Variants in ATP8B1 observed in about 807,000 individuals in gnomAD.
ATP8B1 encodes phospholipid-transporting ATPase IC.
Under a neutral mutation model 149.9 loss-of-function variants are expected in ATP8B1, and 80 were observed. The ratio of observed to expected loss-of-function variants is 0.53; its 90% confidence interval spans 0.45 to 0.64. ATP8B1 has a LOEUF of 0.64. Ranked by LOEUF, ATP8B1 falls within the 30% of genes least tolerant of loss-of-function variation. The pLI is 0.00. For synonymous variants in ATP8B1, 536 were observed against 562.8 expected, an observed-to-expected ratio of 0.95 and a Z score of 0.67; for missense variants, 1,247 against 1,552.6, an observed-to-expected ratio of 0.80 and a Z score of 3.31.
At chr18:57,723,050 C>A (rs1021305099) in intron 2 of ATP8B1, among the ~76,000 whole-genome samples, 4 of 151,372 alleles carry the variant, frequency 2.6e-5, no homozygotes, top group African/African-American at 7.3e-5. Flanking sequence ...ATTCAACAAC[C>A]CTTCATGCTA....
chr18:57,688,666 C>G, intron 12 of ATP8B1, 159 bp from the exon 13 acceptor site: 1 of 757,888 alleles, frequency 1.3e-6, no homozygotes. Flanking sequence ...AAACCCAATC[C>G]CCAATTCAAC....
intron 1 of ATP8B1, among the ~76,000 whole-genome samples, chr18:57,765,249 AAGGTTGGG>A (rs1368119468): frequency 9.2e-5 from 14 of 152,220 alleles, no homozygotes; most frequent in Admixed American, 2.6e-4. Context: ...ATGGTTGCCA[AAGGTTGGG>A]AGGAAGGGGA....
chr18:57,735,967 G>GCCCCCCCCCCCC (rs59140378), intron 1 of ATP8B1, among the ~76,000 whole-genome samples: 28 of 134,462 alleles, frequency 2.1e-4, no homozygotes, highest in African/African-American at 2.6e-4. Flanking sequence ...CCCATTCCTT[G>GCCCCCCCCCCCC]CCCCCCCCAC....
chr18:57,732,279 G>A (rs1362138297), intron 1 of ATP8B1, among the ~76,000 whole-genome samples: 1 of 24,062 alleles, frequency 4.2e-5, no homozygotes, highest in Non-Finnish European at 8.7e-5. Flanking sequence ...ATGTATATAT[G>A]TGTATATATG....
rs1490656876 is a variant in ATP8B1 at position 57,784,664 on chromosome 18, G to A, written c.-26+18334C>T. Among the ~76,000 whole-genome samples, 1 of 146,856 alleles carries A rather than the reference G, an allele frequency of 6.8e-6. No homozygotes were observed. The highest frequency in any genetic ancestry group is 1.5e-5 in the Non-Finnish European group (1 of 67,994). On this transcript the variant is annotated intron_variant, in intron 1 of 27. Coordinates refer to ENST00000648908, the MANE Select transcript of ATP8B1 (RefSeq NM_001374385.1). This position sits in a 1 kb window ranked among gnomAD's most constrained non-coding sequence, Gnocchi z 4.4. ...GCTGTGTTTAGGGGCATGCAGGAGA[G>A]TATTATGAAACGTGCAGGAGAGTAT...
chr18:57,779,531 T>C (rs1369334536), intron 1 of ATP8B1, among the ~76,000 whole-genome samples: 1 of 152,248 alleles, frequency 6.6e-6, no homozygotes, highest in Non-Finnish European at 1.5e-5. Context: ...GTTCACTTTT[T>C]AATTTTAGCA....
At chr18:57,763,510 C>T (rs2063301) in intron 1 of ATP8B1, among the ~76,000 whole-genome samples, 103,402 of 152,078 alleles carry the variant, frequency 0.68, 35,810 homozygotes, top group African/African-American at 0.81. Context: ...TTTCAAATTC[C>T]AACAAACATT....
Position 57,646,839 on chromosome 18 carries a change from T to C in ATP8B1, c.*1649A>G, listed in dbSNP as rs1599058135. The C allele has an allele frequency of 6.6e-6, 1 of 152,656 alleles. No homozygotes were observed. The highest frequency in any genetic ancestry group is 1.5e-5 in the Non-Finnish European group (1 of 68,038). 9.5% of individuals were successfully genotyped at this position (152,656 alleles called of 1,614,324 possible). ...TCATAGGAATTCAACAGGACTGATA[T>C]TGTGAACATTCACAGCCCAATGGTA... On this transcript the variant is annotated 3_prime_UTR_variant, in exon 28 of 28. Transcript: ENST00000648908.
chr18:57,717,533 G>A (rs1200163250), intron 2 of ATP8B1, among the ~76,000 whole-genome samples: 2 of 53,388 alleles, frequency 3.7e-5, no homozygotes, highest in Admixed American at 2.9e-4. Flanking sequence ...GGGTAACAGA[G>A]CAAGACTCTG....
At chr18:57,670,290 G>C (rs775315054) in intron 17 of ATP8B1, among the ~76,000 whole-genome samples, 3 of 151,802 alleles carry the variant, frequency 2.0e-5, no homozygotes, top group Non-Finnish European at 4.4e-5. Flanking sequence ...TAATGGAAAA[G>C]AGTATCTGGC....
chr18:57,732,291 A>ATATATCTG (rs2079789318), intron 1 of ATP8B1, among the ~76,000 whole-genome samples: 1 of 6,694 alleles, frequency 1.5e-4, no homozygotes, highest in African/African-American at 6.8e-4. Context: ...GTATATATGT[A>ATATATCTG]TATATATGTG....
At position 57,668,462 on chromosome 18, in the gene ATP8B1, T is replaced by G. The variant is rs1225462181; in HGVS notation, c.2176A>C (p.Ile726Leu). 4 of 1,612,254 alleles carry G rather than the reference T, an allele frequency of 2.5e-6. No homozygotes were observed. The change falls in exon 19 of 28, where the codon ATT becomes CTT. Residue 726 changes from isoleucine to leucine, a missense_variant. This residue lies in a region of ATP8B1 where 853 missense variants were observed against 1,035.7 expected (regional missense o/e 0.82). Coordinates refer to ENST00000648908, the MANE Select transcript of ATP8B1 (RefSeq NM_001374385.1). Reference sequence around the variant, plus strand: ...TCTCCAGTAAGCACCCAGATCTTAATGTCAGCTTTTGCAAGTTTTGAAATG... The same window carrying G: ...TCTCCAGTAAGCACCCAGATCTTAAGGTCAGCTTTTGCAAGTTTTGAAATG... ...ETISKLAKAD[I>L]KIWVLTGDKK...
At chr18:57,756,374 T>C (rs1015482919) in intron 1 of ATP8B1, among the ~76,000 whole-genome samples, 3 of 149,588 alleles carry the variant, frequency 2.0e-5, no homozygotes, top group Admixed American at 6.7e-5. Context: ...GGTCTTGGCT[T>C]ACTGCAACCT....
chr18:57,663,512 G>GAAAA (rs1910639398), intron 20 of ATP8B1, among the ~76,000 whole-genome samples: 1 of 152,140 alleles, frequency 6.6e-6, no homozygotes, highest in Non-Finnish European at 1.5e-5. Flanking sequence ...TCACCATACT[G>GAAAA]TTTTGCATAG....
At chr18:57,733,965 A>C (rs865862836) in intron 1 of ATP8B1, 13 of 152,320 alleles carry the variant, frequency 8.5e-5, no homozygotes, top group Middle Eastern at 6.8e-3. Flanking sequence ...AGTAAAAGCC[A>C]AAAGCAAGCT....
intron 1 of ATP8B1, among the ~76,000 whole-genome samples, chr18:57,772,098 T>A (rs2080268900): frequency 6.6e-6 from 1 of 152,218 alleles, no homozygotes; most frequent in South Asian, 2.1e-4. Flanking sequence ...TTCAAACCTG[T>A]AATTTTGTTA....
At chr18:57,694,814 G>T (rs1321783503) in intron 10 of ATP8B1, 144 bp from the exon 11 acceptor site, 1 of 703,672 alleles carries the variant, frequency 1.4e-6, no homozygotes, top group Non-Finnish European at 2.5e-6. Flanking sequence ...CGGATCACCT[G>T]AGGTCAGGGG....
intron 1 of ATP8B1, among the ~76,000 whole-genome samples, chr18:57,781,528 T>C (rs1440469307): frequency 6.6e-6 from 1 of 152,238 alleles, no homozygotes; most frequent in African/African-American, 2.4e-5. Flanking sequence ...TTAGTCTCCC[T>C]GGGCCTCAGT....
chr18:57,670,404 T>A (rs1911154909), intron 17 of ATP8B1, among the ~76,000 whole-genome samples: 1 of 150,792 alleles, frequency 6.6e-6, no homozygotes, highest in African/African-American at 2.4e-5. Flanking sequence ...CAGGCTTGAG[T>A]GCAGTGGTGC....
Sources: gnomAD v4.1 joint callset for allele counts (sites outside exome capture counted in the v4.1 genomes callset) on GRCh38, gnomAD v4.1.1 for gene constraint, gnomAD v4.1.1 regional missense constraint, Gnocchi (gnomAD v3.1) non-coding constraint, MANE v1.5 for transcripts, NCBI Gene and HGNC (gene_info 2026-07-23, HGNC 2026-07-21) for gene names.